Variants in PIP4K2A observed in about 807,000 individuals in gnomAD.
The protein encoded by PIP4K2A is phosphatidylinositol 5-phosphate 4-kinase type-2 alpha.
A neutral mutation model predicts 42.9 loss-of-function variants in PIP4K2A; 14 were observed. The ratio of observed to expected loss-of-function variants is 0.33; its 90% CI spans 0.22 to 0.51. PIP4K2A has a LOEUF of 0.51. PIP4K2A is among the 20% of genes least tolerant of loss of function. The probability of loss-of-function intolerance (pLI) is 0.97; values close to 1 mark genes in which losing one functional copy is unlikely to be tolerated. For synonymous variants in PIP4K2A, 192 were observed against 192.2 expected (o/e 1.00, Z 0.01); for missense variants, 434 against 519.8 (o/e 0.83, Z 1.61).
intron 1 of PIP4K2A, among the ~76,000 whole-genome samples, chr10:22,664,158 T>TATATATATATATACATATATATATATAC (rs1839290197): frequency 8.8e-5 from 6 of 68,056 alleles, no homozygotes; most frequent in African/African-American, 3.3e-4. Flanking sequence ...TATACACATA[T>TATATATATATATACATATATATATATAC]ATATATATAC....
chr10:22,600,098 C>T (rs949876177), intron 3 of PIP4K2A, among the ~76,000 whole-genome samples: 2 of 152,166 alleles, frequency 1.3e-5, no homozygotes, highest in Admixed American at 1.3e-4. Context: ...ATAAAAGTGT[C>T]CTCATTTAGT....
chr10:22,568,657 C>G (rs1359686864), intron 5 of PIP4K2A, among the ~76,000 whole-genome samples: 1 of 152,130 alleles, frequency 6.6e-6, no homozygotes, highest in Non-Finnish European at 1.5e-5. Flanking sequence ...TCTAGCATGA[C>G]CTGAGTCTAC....
chr10:22,538,345 T>G (rs11013045), intron 9 of PIP4K2A, among the ~76,000 whole-genome samples: 87,239 of 151,794 alleles, frequency 0.57, 26,000 homozygotes, highest in South Asian at 0.77. Flanking sequence ...TGGAGCCATA[T>G]TGGCTAGGAT....
chr10:22,636,741 C>G (rs1274256185), intron 1 of PIP4K2A, among the ~76,000 whole-genome samples: 2 of 152,192 alleles, frequency 1.3e-5, no homozygotes, highest in Non-Finnish European at 1.5e-5. Context: ...ATTAACGGTC[C>G]CCGATGAATC....
chr10:22,680,759 T>C (rs1839643813), intron 1 of PIP4K2A, among the ~76,000 whole-genome samples: 1 of 152,240 alleles, frequency 6.6e-6, no homozygotes, highest in African/African-American at 2.4e-5. Context: ...ACACATGTAT[T>C]GAGGTCTTGG....
intron 1 of PIP4K2A, among the ~76,000 whole-genome samples, chr10:22,648,346 T>C (rs1316356669): frequency 6.6e-6 from 1 of 152,228 alleles, no homozygotes; most frequent in East Asian, 1.9e-4. Flanking sequence ...ACTCTGTGAC[T>C]CCTTTATTAG....
At chr10:22,636,816 G>A (rs1588677777) in intron 1 of PIP4K2A, among the ~76,000 whole-genome samples, 1 of 152,206 alleles carries the variant, frequency 6.6e-6, no homozygotes, top group Non-Finnish European at 1.5e-5. Context: ...CTGGCCGCGA[G>A]GGTGGCTTTG....
intron 6 of PIP4K2A, among the ~76,000 whole-genome samples, chr10:22,560,462 T>C (rs1836661320): frequency 6.6e-6 from 1 of 152,178 alleles, no homozygotes; most frequent in Non-Finnish European, 1.5e-5. Context: ...GAAAAGCATT[T>C]TTAGACGTAA....
At chr10:22,688,662 A>G (rs1242777903) in intron 1 of PIP4K2A, among the ~76,000 whole-genome samples, 1 of 152,120 alleles carries the variant, frequency 6.6e-6, no homozygotes, top group African/African-American at 2.4e-5. Context: ...TACGTTGCCT[A>G]GGCTGGTCTT....
intron 1 of PIP4K2A, among the ~76,000 whole-genome samples, chr10:22,633,551 G>C (rs923103334): frequency 6.6e-6 from 1 of 152,104 alleles, no homozygotes; most frequent in Admixed American, 6.5e-5. Flanking sequence ...TGGAACTTTG[G>C]GGTGCTCCTT....
At position 22,535,249 on chromosome 10, in the gene PIP4K2A, T is replaced by C. The variant is rs1278641448; in HGVS notation, c.*1952A>G. On this transcript the variant is annotated 3_prime_UTR_variant, in exon 10 of 10. Transcript: ENST00000376573. ...GTTGTGGTCTTGGGTCAAACCACAGTAGAACTTCACAACACAAAAACTGAT... is the reference window on the plus strand; with the variant it reads ...GTTGTGGTCTTGGGTCAAACCACAGCAGAACTTCACAACACAAAAACTGAT... The C allele has an allele frequency of 1.3e-5, 2 of 152,244 alleles. No homozygotes were observed. The highest frequency in any genetic ancestry group is 2.4e-5 in the African/African-American group (1 of 41,450). The allele number at this position is 152,244 out of a possible 1,614,324, so 9.4% of individuals were successfully genotyped here.
Position 22,639,931 on chromosome 10 carries a change from A to G in PIP4K2A, c.145-30214T>C, listed in dbSNP as rs1838743735. ...TGAATTTCATCCAATTTCCAGCCAG[A>G]TATCAATTTGCAAACTTAATTAAAA... is the stretch of plus-strand genomic sequence containing the variant. On this transcript the variant is annotated intron_variant, in intron 1 of 9. Transcript: ENST00000376573. Among the ~76,000 whole-genome samples, 3 of 152,108 alleles carry G rather than the reference A, an allele frequency of 2.0e-5. No homozygotes were observed. The South Asian group carries it at 6.2e-4, about 32-fold the overall frequency.
At chr10:22,637,592 T>C (rs969667819) in intron 1 of PIP4K2A, among the ~76,000 whole-genome samples, 2 of 152,190 alleles carry the variant, frequency 1.3e-5, no homozygotes, top group Admixed American at 6.5e-5. Flanking sequence ...CATGGGTTAT[T>C]TGTTCTTTTC....
At chr10:22,588,212 T>A (rs569692627) in intron 4 of PIP4K2A, among the ~76,000 whole-genome samples, 81 of 152,386 alleles carry the variant, frequency 5.3e-4, no homozygotes, top group African/African-American at 1.9e-3. Context: ...AATGGACAAA[T>A]TAGCAAAACG....
At chr10:22,683,031 A>G (rs575099373) in intron 1 of PIP4K2A, among the ~76,000 whole-genome samples, 1 of 151,984 alleles carries the variant, frequency 6.6e-6, no homozygotes, top group East Asian at 1.9e-4. Context: ...AGCTGAGGCC[A>G]TTTCTGAAGC....
At chr10:22,632,184 T>C (rs1299257175) in intron 1 of PIP4K2A, among the ~76,000 whole-genome samples, 5 of 152,084 alleles carry the variant, frequency 3.3e-5, no homozygotes, top group African/African-American at 1.2e-4. Flanking sequence ...CAGGTGATCC[T>C]GGACAAGAAA....
chr10:22,687,851 G>C (rs766569214), intron 1 of PIP4K2A, among the ~76,000 whole-genome samples: 1 of 151,728 alleles, frequency 6.6e-6, no homozygotes, highest in South Asian at 2.1e-4. Context: ...AAGTATTTTC[G>C]ATCTGTGGTT....
intron 1 of PIP4K2A, among the ~76,000 whole-genome samples, chr10:22,645,742 A>C (rs1403893124): frequency 1.3e-5 from 2 of 149,988 alleles, no homozygotes; most frequent in African/African-American, 2.5e-5. Context: ...CAGGGTCTAC[A>C]CTCCAAGCTG....
chr10:22,541,697 T>C (rs564959052), intron 8 of PIP4K2A, 107 bp downstream of exon 8: 134 of 1,270,884 alleles, frequency 1.1e-4, no homozygotes, highest in Non-Finnish European at 1.4e-4. Flanking sequence ...GGAGGATGAG[T>C]GCTGCCGGGC....
Sources: allele counts gnomAD v4.1 joint callset (sites outside exome capture counted in the v4.1 genomes callset), GRCh38; gene constraint gnomAD v4.1.1; transcripts MANE v1.5; gene names NCBI Gene and HGNC (gene_info 2026-07-23, HGNC 2026-07-21).